The following CPNE8 variants were observed in gnomAD, a reference collection of about 807,000 sequenced individuals.
CPNE8 encodes the protein copine-8.
In CPNE8, 45 loss-of-function variants were observed where a neutral mutation model predicts 81.5. The observed-to-expected ratio is 0.55, with a 90% CI of 0.44 to 0.71. CPNE8 has a LOEUF of 0.71. Ranked by LOEUF, CPNE8 falls within the 30% of genes least tolerant of loss-of-function variation. CPNE8 has a pLI of 0.00. For missense variants in CPNE8, 594 were observed against 672.1 expected, an observed-to-expected ratio of 0.88 and a Z score of 1.28; for synonymous variants, 252 against 226.3, an observed-to-expected ratio of 1.11 and a Z score of -1.02.
At chr12:38,780,423 A>G (rs1942026052) in intron 6 of CPNE8, among the ~76,000 whole-genome samples, 1 of 152,264 alleles carries the variant, frequency 6.6e-6, no homozygotes, top group Non-Finnish European at 1.5e-5. Flanking sequence ...GAGCAGATGC[A>G]ATGTTTGAAG....
chr12:38,664,491 GATT>G (rs1939024709), intron 19 of CPNE8, among the ~76,000 whole-genome samples: 1 of 151,976 alleles, frequency 6.6e-6, no homozygotes, highest in African/African-American at 2.4e-5. Flanking sequence ...ATATAAGGAA[GATT>G]ATTATTAATT....
At chr12:38,830,547 T>C (rs1264084750) in intron 5 of CPNE8, among the ~76,000 whole-genome samples, 1 of 152,188 alleles carries the variant, frequency 6.6e-6, no homozygotes, top group Non-Finnish European at 1.5e-5. Flanking sequence ...TTAGCCTGTA[T>C]GTGTTCAAAG....
chr12:38,877,924 C>A (rs990321651), intron 1 of CPNE8, among the ~76,000 whole-genome samples: 1 of 152,136 alleles, frequency 6.6e-6, no homozygotes, highest in Non-Finnish European at 1.5e-5. Context: ...GCACAAGATG[C>A]AGGTCATAAA....
intron 3 of CPNE8, among the ~76,000 whole-genome samples, chr12:38,868,128 C>T (rs1457927107): frequency 6.6e-6 from 1 of 151,980 alleles, no homozygotes; most frequent in Non-Finnish European, 1.5e-5. Context: ...AATTTAAATA[C>T]AAACATAACC....
intron 11 of CPNE8, 45 bp from the exon 12 acceptor site, chr12:38,724,944 C>T (rs1426581398): frequency 2.7e-6 from 4 of 1,458,972 alleles, no homozygotes; most frequent in Non-Finnish European, 3.8e-6. Flanking sequence ...GGTTTTATAC[C>T]GAAGTTTTAT....
intron 18 of CPNE8, among the ~76,000 whole-genome samples, chr12:38,671,837 C>T (rs1332204089): frequency 1.3e-5 from 2 of 151,938 alleles, no homozygotes; most frequent in African/African-American, 2.4e-5. Context: ...TGGGCTGAAA[C>T]GCTGCTAGTA....
intron 1 of CPNE8, among the ~76,000 whole-genome samples, chr12:38,900,220 CACTT>C (rs1944440547): frequency 6.6e-6 from 1 of 152,090 alleles, no homozygotes. Flanking sequence ...GAGTTAGAGT[CACTT>C]ACTCATGAAA....
At chr12:38,852,312 C>T (rs1943658809) in intron 3 of CPNE8, among the ~76,000 whole-genome samples, 1 of 151,746 alleles carries the variant, frequency 6.6e-6, no homozygotes. Flanking sequence ...GCCTGTAGCC[C>T]CAGCTACTCG....
intron 6 of CPNE8, among the ~76,000 whole-genome samples, chr12:38,783,974 C>A (rs1330803789): frequency 6.6e-6 from 1 of 152,140 alleles, no homozygotes; most frequent in African/African-American, 2.4e-5. Flanking sequence ...TGAACATCTA[C>A]AAGTATCAAG....
rs1215012166 is a variant in CPNE8, at chr12:38,802,872, C to A, written c.407+26507G>T. On this transcript the variant is annotated intron_variant, in intron 6 of 19. Transcript: ENST00000331366. ...TACAAACTACCATCAGAGAATACTACAAACACCTCTACGCAAATAAACTAG... is the reference window on the plus strand; with the variant it reads ...TACAAACTACCATCAGAGAATACTAAAAACACCTCTACGCAAATAAACTAG... 1.8e-4 allele frequency among the ~76,000 whole-genome samples: 27 copies of A among 147,626 alleles called. 1 individual carries two copies. The East Asian group carries it at 5.2e-3, about 28-fold the overall frequency.
At chr12:38,807,122 A>C (rs1413513158) in intron 6 of CPNE8, among the ~76,000 whole-genome samples, 2 of 152,080 alleles carry the variant, frequency 1.3e-5, no homozygotes, top group Non-Finnish European at 2.9e-5. Flanking sequence ...AAATGGAAGA[A>C]CATTCCATGC....
At chr12:38,827,372 G>A (rs1943216362) in intron 6 of CPNE8, among the ~76,000 whole-genome samples, 1 of 152,102 alleles carries the variant, frequency 6.6e-6, no homozygotes, top group Admixed American at 6.6e-5. Flanking sequence ...TGCTGCTGGT[G>A]GAAATGTAAA....
chr12:38,770,099 A>AT (rs1941771334), intron 7 of CPNE8, among the ~76,000 whole-genome samples: 1 of 152,128 alleles, frequency 6.6e-6, no homozygotes, highest in Non-Finnish European at 1.5e-5. Flanking sequence ...CACCTAATAC[A>AT]TTTTTTAAGA....
In CPNE8 at chr12:38,842,649, C is replaced by T. The variant is rs573645473; in HGVS notation, c.291-2694G>A. On this transcript the variant is annotated intron_variant, in intron 4 of 19. Transcript: ENST00000331366. ...GGAGTGCACTGGTGCAATCTCAGCTCACAGCAACCTCCGCCTCCCCGGTCC... is the reference window on the plus strand; with the variant it reads ...GGAGTGCACTGGTGCAATCTCAGCTTACAGCAACCTCCGCCTCCCCGGTCC... 2.2e-4 allele frequency among the ~76,000 whole-genome samples: 31 copies of T among 143,788 alleles called. No individual in the cohort carries two copies. The South Asian group carries it at 5.9e-3, about 27-fold the overall frequency. The allele number at this position is 143,788 out of a possible 152,430, so 94.3% of individuals were successfully genotyped here.
At chr12:38,679,398 T>G (rs971328018) in intron 16 of CPNE8, among the ~76,000 whole-genome samples, 1 of 151,918 alleles carries the variant, frequency 6.6e-6, no homozygotes, top group African/African-American at 2.4e-5. Context: ...ACTTGGAATT[T>G]CGCTGAAGTT....
At chr12:38,788,617 C>T (rs1229530453) in intron 6 of CPNE8, among the ~76,000 whole-genome samples, 1 of 151,408 alleles carries the variant, frequency 6.6e-6, no homozygotes, top group Non-Finnish European at 1.5e-5. Flanking sequence ...AAGAATCAGA[C>T]AAAAGACAAG....
At chr12:38,683,421 T>G (rs1264262614) in intron 16 of CPNE8, among the ~76,000 whole-genome samples, 1 of 152,180 alleles carries the variant, frequency 6.6e-6, no homozygotes, top group East Asian at 1.9e-4. Flanking sequence ...ATAGGTATGA[T>G]GCTAAGTACT....
chr12:38,756,322 T>A (rs1425641011), intron 10 of CPNE8, among the ~76,000 whole-genome samples: 1 of 151,124 alleles, frequency 6.6e-6, no homozygotes, highest in African/African-American at 2.4e-5. Flanking sequence ...TAAAACAAAA[T>A]GTGATTGTAA....
At chr12:38,789,937 G>A (rs963929453) in intron 6 of CPNE8, among the ~76,000 whole-genome samples, 8 of 151,432 alleles carry the variant, frequency 5.3e-5, no homozygotes, top group African/African-American at 1.5e-4. Context: ...TCGGAATGAC[G>A]GGCAACACAA....
Sources: allele counts gnomAD v4.1 joint callset (sites outside exome capture counted in the v4.1 genomes callset), GRCh38; gene constraint gnomAD v4.1.1; transcripts MANE v1.5; gene names NCBI Gene and HGNC (gene_info 2026-07-23, HGNC 2026-07-21).